Variants in CD2AP observed in about 807,000 individuals in gnomAD.
CD2AP encodes the protein CD2-associated protein.
In CD2AP, 46 loss-of-function variants were observed where a neutral mutation model predicts 85.1. The ratio of observed to expected loss-of-function variants is 0.54; its 90% CI spans 0.43 to 0.69. CD2AP has a LOEUF of 0.69. Among genes scored for constraint, CD2AP ranks in the 30% least tolerant of loss-of-function variants. The pLI is 0.00. For missense variants in CD2AP, 769 were observed against 729.5 expected (o/e 1.05, Z -0.62); for synonymous variants, 255 against 252.9 (o/e 1.01, Z -0.08).
At position 47,549,842 on chromosome 6, in the gene CD2AP, G is replaced by C. The variant is rs765940593; in HGVS notation, c.421-4804G>C. Among the ~76,000 whole-genome samples the C allele has an allele frequency of 1.3e-4, 20 of 152,082 alleles. 1 individual carries two copies. The highest frequency in any genetic ancestry group is 2.6e-4 in the Non-Finnish European group (18 of 68,006). ...AGGCCACAGTCACCAAAACAGCATG[G>C]TACTGGTATAAAAATAGGCATATTG... On this transcript the variant is annotated intron_variant, in intron 4 of 17. Coordinates refer to ENST00000359314, the MANE Select transcript of CD2AP (RefSeq NM_012120.3).
At chr6:47,609,415 G>T (rs780434088) in intron 16 of CD2AP, 111 bp downstream of exon 16, 2 of 868,824 alleles carry the variant, frequency 2.3e-6, no homozygotes, top group Non-Finnish European at 3.8e-6. Flanking sequence ...GGTAGTTCGC[G>T]CCTGTAATCC....
At chr6:47,570,571 T>G (rs1307117521) in intron 5 of CD2AP, among the ~76,000 whole-genome samples, 2 of 152,094 alleles carry the variant, frequency 1.3e-5, no homozygotes, top group Non-Finnish European at 2.9e-5. Flanking sequence ...GTTTTCCCTT[T>G]TATACTTTAC....
intron 3 of CD2AP, among the ~76,000 whole-genome samples, chr6:47,543,721 C>T (rs1767294972): frequency 6.6e-6 from 1 of 152,138 alleles, no homozygotes. Context: ...CCTCATTTAA[C>T]CCTATTTACC....
chr6:47,580,936 C>A lies in CD2AP; in HGVS notation c.1045+36C>A, dbSNP rs1014001. The A allele has an allele frequency of 0.38, 564,498 of 1,490,918 alleles. 112,355 individuals carry two copies. Among genetic ancestry groups the A allele is most frequent in the Middle Eastern group, 0.49 (2,874 of 5,810 alleles). 92.4% of individuals were successfully genotyped at this position (1,490,918 alleles called of 1,614,324 possible). Reference sequence around the variant, plus strand: ...AGCATATTATTCAGTTTGCTATTTTCCATTTTTTAAAATTCTAAAATGGTA... The same window carrying A: ...AGCATATTATTCAGTTTGCTATTTTACATTTTTTAAAATTCTAAAATGGTA... On this transcript the variant is annotated intron_variant, in intron 10 of 17. Transcript: ENST00000359314.
chr6:47,512,288 G>C (rs1041756538), intron 2 of CD2AP, among the ~76,000 whole-genome samples: 1 of 152,184 alleles, frequency 6.6e-6, no homozygotes, highest in African/African-American at 2.4e-5. Flanking sequence ...GTTGCAGTGA[G>C]CCGAGATCGC....
chr6:47,493,248 T>C (rs773650599), intron 1 of CD2AP, among the ~76,000 whole-genome samples: 10 of 152,166 alleles, frequency 6.6e-5, no homozygotes, highest in Non-Finnish European at 1.5e-4. Flanking sequence ...AACATGTCTT[T>C]TGTGTTGGGT....
chr6:47,504,377 G>GT (rs1381774784), intron 2 of CD2AP, among the ~76,000 whole-genome samples: 2 of 152,118 alleles, frequency 1.3e-5, no homozygotes, highest in Non-Finnish European at 2.9e-5. Flanking sequence ...ATAAACTTGT[G>GT]TTTATTTTAG....
chr6:47,544,827 G>T lies in CD2AP; in HGVS notation c.420+121G>T, dbSNP rs1767324400. On this transcript the variant is annotated intron_variant, in intron 4 of 17. Transcript: ENST00000359314. The stretch of plus-strand genomic sequence containing the variant: ...ACTGTTGTCACTTTTTAAAAAAAAT[G>T]GTATAGAGTTTCTTTACTCATCCTT... The T allele has an allele frequency of 2.1e-5, 14 of 678,528 alleles. No homozygotes were observed. In the South Asian group the frequency reaches 2.4e-4, roughly 12 times the overall value. The allele number at this position is 678,528 out of a possible 1,614,324, so 42.0% of individuals were successfully genotyped here.
At chr6:47,567,182 A>G (rs767835978) in intron 5 of CD2AP, among the ~76,000 whole-genome samples, 1 of 151,006 alleles carries the variant, frequency 6.6e-6, no homozygotes, top group South Asian at 2.1e-4. Context: ...TGCTATCTTC[A>G]TCTAATTTTC....
chr6:47,501,343 C>T (rs1436178338), intron 1 of CD2AP, among the ~76,000 whole-genome samples: 2 of 152,160 alleles, frequency 1.3e-5, no homozygotes, highest in African/African-American at 4.8e-5. Flanking sequence ...AGACCTTTGC[C>T]TCTTTGGCAG....
chr6:47,488,173 A>G (rs934992962), intron 1 of CD2AP, among the ~76,000 whole-genome samples: 1 of 147,436 alleles, frequency 6.8e-6, no homozygotes, highest in African/African-American at 2.6e-5. Flanking sequence ...CTCCGTGTGT[A>G]TAAATAAAGG....
At chr6:47,612,801 T>C (rs1769485263) in intron 17 of CD2AP, among the ~76,000 whole-genome samples, 1 of 151,944 alleles carries the variant, frequency 6.6e-6, no homozygotes, top group Non-Finnish European at 1.5e-5. Flanking sequence ...CTAAAAAAAA[T>C]TGAAACGATT....
At chr6:47,535,907 T>C (rs999096033) in intron 3 of CD2AP, among the ~76,000 whole-genome samples, 8 of 152,234 alleles carry the variant, frequency 5.3e-5, no homozygotes, top group African/African-American at 1.9e-4. Context: ...AAGTAGAAGT[T>C]AGACAAAGAG....
intron 16 of CD2AP, among the ~76,000 whole-genome samples, chr6:47,610,131 C>T (rs1436032840): frequency 6.6e-6 from 1 of 152,032 alleles, no homozygotes; most frequent in African/African-American, 2.4e-5. Flanking sequence ...TACAAGATCA[C>T]CTATTATAGG....
chr6:47,582,851 C>T (rs1464513443), intron 11 of CD2AP, among the ~76,000 whole-genome samples: 2 of 147,100 alleles, frequency 1.4e-5, no homozygotes, highest in African/African-American at 5.0e-5. Flanking sequence ...GGCGCAATAT[C>T]GGCTCACTGC....
chr6:47,576,811 A>G (rs1241497648), intron 7 of CD2AP, among the ~76,000 whole-genome samples, 198 bp from the exon 8 acceptor site: 1 of 152,100 alleles, frequency 6.6e-6, no homozygotes, highest in Non-Finnish European at 1.5e-5. Context: ...AACATCACAA[A>G]CAGTAAATAT....
rs115670904 is a variant in CD2AP at position 47,600,842 on chromosome 6, A to G, written c.1417+1399A>G. 7.9e-3 allele frequency among the ~76,000 whole-genome samples: 1,201 copies of G among 151,996 alleles called. 13 individuals carry two copies. The highest frequency in any genetic ancestry group is 0.027 in the African/African-American group (1,119 of 41,518). ...GGTTATAGTTGAAGAAAAGCAGATT[A>G]TTTGCCCAATTTTAACTCTGGAAAC... is the stretch of plus-strand genomic sequence containing the variant. On this transcript the variant is annotated intron_variant, in intron 13 of 17. Coordinates refer to ENST00000359314, the MANE Select transcript of CD2AP (RefSeq NM_012120.3).
intron 1 of CD2AP, among the ~76,000 whole-genome samples, chr6:47,483,277 A>C (rs192478380): frequency 1.3e-5 from 2 of 152,302 alleles, no homozygotes; most frequent in Admixed American, 6.5e-5. Context: ...ATGGAGGTCT[A>C]TATGTGCCTA....
In CD2AP at chr6:47,608,000, T is replaced by TA. The variant is rs779712608; in HGVS notation, c.1611dup (p.Asp538ArgfsTer20). 3.1e-6 allele frequency: 5 copies of TA among 1,612,516 alleles called. No homozygotes were observed. Among genetic ancestry groups the TA allele is most frequent in the Non-Finnish European group, 4.2e-6 (5 of 1,178,866 alleles). On this transcript the variant is annotated frameshift_variant, in exon 15 of 18. Transcript: ENST00000359314. LOFTEE classifies it high-confidence loss of function. ...AGTGCCAACCTGAAGCCATCTGAAT[T>TA]AAAAAAAGATACATGCTACTCTCCA...
Sources: gnomAD v4.1 joint callset for allele counts (sites outside exome capture counted in the v4.1 genomes callset) on GRCh38, gnomAD v4.1.1 for gene constraint, MANE v1.5 for transcripts, NCBI Gene and HGNC (gene_info 2026-07-23, HGNC 2026-07-21) for gene names.